The following TMEM74 variants were observed in gnomAD, a reference collection of about 807,000 sequenced individuals.
TMEM74 encodes the protein transmembrane protein 74.
Under a neutral mutation model 18.1 loss-of-function variants are expected in TMEM74, and 13 were observed. That is an observed-to-expected ratio of 0.72 (90% CI 0.47 to 1.14). The LOEUF (loss-of-function observed/expected upper bound fraction) is 1.14, where lower values mean the gene tolerates loss of function less well. TMEM74 is among the 50% of genes most tolerant of loss of function. The pLI, the probability that TMEM74 is intolerant of heterozygous loss-of-function variation, is 0.00. For missense variants in TMEM74, 372 were observed against 375.9 expected (o/e 0.99, Z 0.09); for synonymous variants, 159 against 146.6 (o/e 1.08, Z -0.61).
intron 1 of TMEM74, among the ~76,000 whole-genome samples, chr8:108,711,996 G>A (rs558372087): frequency 2.1e-4 from 32 of 152,120 alleles, no homozygotes; most frequent in East Asian, 5.8e-4. Context: ...TGTAAGACTC[G>A]TTGTCATTGT....
chr8:108,723,148 T>C (rs1471636132), intron 1 of TMEM74, among the ~76,000 whole-genome samples: 1 of 152,054 alleles, frequency 6.6e-6, no homozygotes, highest in East Asian at 1.9e-4. Flanking sequence ...GTGAGGCAGA[T>C]GAGATGTGTG....
intron 1 of TMEM74, among the ~76,000 whole-genome samples, chr8:108,704,531 G>A (rs894596947): frequency 8.6e-5 from 13 of 150,320 alleles, no homozygotes; most frequent in Non-Finnish European, 1.5e-4. Flanking sequence ...ATAAATTTAG[G>A]TCTACAGGAA....
downstream of TMEM74, among the ~76,000 whole-genome samples, chr8:108,775,861 C>G (rs1814227979): frequency 6.6e-6 from 1 of 152,180 alleles, no homozygotes; most frequent in Non-Finnish European, 1.5e-5. Flanking sequence ...TGGTTTCCCT[C>G]CTATGGATCC....
At position 108,651,941 on chromosome 8, in the gene TMEM74, T is replaced by TA. The variant is rs762994031; in HGVS notation, n.264+3351dup. ...ACCCAGTGTTACGACCATGTGTCGC[T>TA]AAAAAAAAAAAAAATCCTAGTGCAA... On this transcript the variant is annotated intron_variant and non_coding_transcript_variant, in intron 2 of 3. Transcript: ENST00000518838. Among the ~76,000 whole-genome samples the TA allele has an allele frequency of 3.0e-3, 424 of 140,836 alleles. 2 individuals carry two copies. Among genetic ancestry groups the TA allele is most frequent in the East Asian group, 6.0e-3 (29 of 4,850 alleles). 92.4% of individuals were successfully genotyped at this position (140,836 alleles called of 152,430 possible).
chr8:108,784,276 A>G lies in TMEM74; in HGVS notation c.823T>C (p.Tyr275His). ...TTCATCCTGAAGTTGAAAGAACCAT[A>G]GAGTTTTGCAGACTCTTTGGAAGAG... ...FASSKESAKL[Y>H]GSFNFRMKTS... The change falls in exon 2 of 2, where the codon TAT becomes CAT. Residue 275 changes from tyrosine (Y) to histidine (H), a missense_variant. Coordinates refer to ENST00000297459, the MANE Select transcript of TMEM74 (RefSeq NM_153015.3). The G allele has an allele frequency of 6.2e-7, 1 of 1,614,160 alleles. No individual in the cohort carries two copies. Among genetic ancestry groups the G allele is most frequent in the Non-Finnish European group, 8.5e-7 (1 of 1,180,032 alleles).
chr8:108,620,018 T>C lies in TMEM74; in HGVS notation n.265-11192A>G, dbSNP rs1283620576. ...CTTCTTCCTCCTCCTTCTCTTGCAT[T>C]AGTTTGTTGGAAAATAGTCTATTTG... On this transcript the variant is annotated intron_variant and non_coding_transcript_variant, in intron 2 of 3. Coordinates refer to the TMEM74 transcript ENST00000518838. Among the ~76,000 whole-genome samples, 3 of 152,130 alleles carry C rather than the reference T, an allele frequency of 2.0e-5. No homozygotes were observed. The East Asian group carries it at 5.8e-4, about 29-fold the overall frequency.
At chr8:108,690,037 A>C (rs1182216743) in intron 1 of TMEM74, among the ~76,000 whole-genome samples, 33 of 152,192 alleles carry the variant, frequency 2.2e-4, no homozygotes, top group Non-Finnish European at 7.3e-5. Flanking sequence ...AGAGAAGTAC[A>C]TAAATACATA....
At chr8:108,642,490 T>G (rs914310713) in intron 2 of TMEM74, among the ~76,000 whole-genome samples, 1 of 152,122 alleles carries the variant, frequency 6.6e-6, no homozygotes, top group Non-Finnish European at 1.5e-5. Context: ...TCGACAAAGC[T>G]GGTAAACTGC....
At chr8:108,719,441 T>G (rs1280842561) in intron 1 of TMEM74, among the ~76,000 whole-genome samples, 2 of 152,140 alleles carry the variant, frequency 1.3e-5, no homozygotes, top group Non-Finnish European at 2.9e-5. Context: ...TTATTTCAAT[T>G]TTAGAGAGCA....
intron 1 of TMEM74, among the ~76,000 whole-genome samples, chr8:108,699,208 CCT>C (rs1410544495): frequency 3.0e-5 from 4 of 134,170 alleles, no homozygotes; most frequent in African/African-American, 1.1e-4. Context: ...TCCCTCCCTC[CCT>C]CTCTCCCTCC....
intron 1 of TMEM74, among the ~76,000 whole-genome samples, chr8:108,666,750 G>T (rs1399135693): frequency 6.6e-6 from 1 of 152,066 alleles, no homozygotes; most frequent in Non-Finnish European, 1.5e-5. Context: ...GAGCATTGGG[G>T]TTTTAAAGGC....
intron 1 of TMEM74, among the ~76,000 whole-genome samples, chr8:108,725,415 A>C (rs761130101): frequency 3.9e-5 from 6 of 152,210 alleles, no homozygotes; most frequent in Non-Finnish European, 8.8e-5. Flanking sequence ...AAACAAATGA[A>C]TGGGTAAATA....
chr8:108,662,107 C>G (rs1454613671), intron 1 of TMEM74, among the ~76,000 whole-genome samples: 1 of 151,900 alleles, frequency 6.6e-6, no homozygotes, highest in Non-Finnish European at 1.5e-5. Flanking sequence ...GATGGATAGA[C>G]CCATTGGGAG....
At chr8:108,760,909 T>TA (rs776933279) in intron 1 of TMEM74, among the ~76,000 whole-genome samples, 1 of 151,976 alleles carries the variant, frequency 6.6e-6, no homozygotes, top group Non-Finnish European at 1.5e-5. Context: ...CTCTGTCAGT[T>TA]AAAAGGGCCT....
chr8:108,612,605 A>C (rs550137786), intron 2 of TMEM74, among the ~76,000 whole-genome samples: 2 of 152,338 alleles, frequency 1.3e-5, no homozygotes, highest in East Asian at 3.9e-4. Flanking sequence ...TCTATGATGC[A>C]TTATCAAAAG....
intron 1 of TMEM74, among the ~76,000 whole-genome samples, chr8:108,761,208 T>C (rs1239075892): frequency 6.6e-6 from 1 of 152,076 alleles, no homozygotes; most frequent in East Asian, 1.9e-4. Flanking sequence ...AAGCATGGTT[T>C]CAGGAGTCAG....
chr8:108,615,142 T>G (rs984544883), intron 2 of TMEM74, among the ~76,000 whole-genome samples: 3 of 152,124 alleles, frequency 2.0e-5, no homozygotes, highest in Non-Finnish European at 4.4e-5. Flanking sequence ...AAATCATCAG[T>G]TCCTACCCTT....
At chr8:108,719,003 C>CATATATAT in intron 1 of TMEM74, among the ~76,000 whole-genome samples, 1 of 151,164 alleles carries the variant, frequency 6.6e-6, no homozygotes, top group South Asian at 2.1e-4. Flanking sequence ...CGTATATATA[C>CATATATAT]ACATATATAT....
At chr8:108,608,384 C>T (rs770710056) in intron 3 of TMEM74, among the ~76,000 whole-genome samples, 8 of 151,808 alleles carry the variant, frequency 5.3e-5, no homozygotes, top group Non-Finnish European at 1.2e-4. Flanking sequence ...TATTGACTCA[C>T]TGGATCTTAT....
Sources: allele counts gnomAD v4.1 joint callset (sites outside exome capture counted in the v4.1 genomes callset), GRCh38; gene constraint gnomAD v4.1.1; transcripts MANE v1.5; gene names NCBI Gene and HGNC (gene_info 2026-07-23, HGNC 2026-07-21).